Variants in DNAJC1 observed in about 807,000 individuals in gnomAD.
DNAJC1 encodes dnaJ homolog subfamily C member 1.
A neutral mutation model predicts 76.6 loss-of-function variants in DNAJC1; 58 were observed. The ratio of observed to expected loss-of-function variants is 0.76; its 90% CI spans 0.61 to 0.94. DNAJC1 has a LOEUF of 0.94. Ranked by LOEUF, DNAJC1 falls within the 40% of genes least tolerant of loss-of-function variation. The probability of loss-of-function intolerance (pLI) is 0.00; values close to 1 mark genes in which losing one functional copy is unlikely to be tolerated. For synonymous variants in DNAJC1, 258 were observed against 267.9 expected, an observed-to-expected ratio of 0.96 and a Z score of 0.36; for missense variants, 689 against 677.3, an observed-to-expected ratio of 1.02 and a Z score of -0.19.
At chr10:21,937,680 A>G (rs1837331705) in intron 1 of DNAJC1, among the ~76,000 whole-genome samples, 3 of 152,268 alleles carry the variant, frequency 2.0e-5, no homozygotes, top group South Asian at 4.1e-4. Flanking sequence ...TGAAGTGCAT[A>G]AGGAATATTA....
intron 1 of DNAJC1, among the ~76,000 whole-genome samples, chr10:21,982,328 A>G (rs1044010454): frequency 2.6e-5 from 4 of 152,208 alleles, no homozygotes; most frequent in African/African-American, 9.6e-5. Context: ...AAAAAACTTC[A>G]TGATATTAGA....
At chr10:21,771,370 G>A (rs1187166230) in intron 9 of DNAJC1, among the ~76,000 whole-genome samples, 1 of 152,204 alleles carries the variant, frequency 6.6e-6, no homozygotes, top group Non-Finnish European at 1.5e-5. Context: ...ATCTTAGCAG[G>A]AAAGCATTCT....
intron 3 of DNAJC1, among the ~76,000 whole-genome samples, chr10:21,921,280 T>C (rs1213041609): frequency 3.3e-5 from 5 of 151,876 alleles, no homozygotes; most frequent in Admixed American, 2.0e-4. Context: ...TACTAGTCTA[T>C]AGTAAAGACT....
chr10:21,972,829 C>T (rs1349080951), intron 1 of DNAJC1, among the ~76,000 whole-genome samples: 2 of 152,020 alleles, frequency 1.3e-5, no homozygotes, highest in South Asian at 2.1e-4. Context: ...CACCAAGAAA[C>T]TGAAAATAGG....
chr10:21,792,645 G>A (rs1834703926), intron 9 of DNAJC1, among the ~76,000 whole-genome samples: 1 of 151,842 alleles, frequency 6.6e-6, no homozygotes, highest in African/African-American at 2.4e-5. Flanking sequence ...TGGAATCCCT[G>A]CTGCTCTGGA....
intron 8 of DNAJC1, among the ~76,000 whole-genome samples, chr10:21,836,731 A>G (rs1048124437): frequency 2.0e-5 from 3 of 152,222 alleles, no homozygotes; most frequent in Non-Finnish European, 4.4e-5. Context: ...GAGACAAAGA[A>G]GGCCATTACA....
At chr10:21,846,663 G>A (rs781561334) in intron 8 of DNAJC1, among the ~76,000 whole-genome samples, 1 of 152,050 alleles carries the variant, frequency 6.6e-6, no homozygotes, top group Non-Finnish European at 1.5e-5. Flanking sequence ...GTATTAGCGA[G>A]ATGGAAGACA....
At chr10:21,943,604 G>A (rs746589245) in intron 1 of DNAJC1, among the ~76,000 whole-genome samples, 5 of 152,150 alleles carry the variant, frequency 3.3e-5, no homozygotes, top group Non-Finnish European at 7.3e-5. Context: ...TTCAGACACA[G>A]ACTGATCCCT....
rs575898332 is a variant in DNAJC1, at chr10:21,842,005, C to A, written c.979-35906G>T. Among the ~76,000 whole-genome samples the A allele has an allele frequency of 3.9e-3, 587 of 148,878 alleles. 5 individuals carry two copies. Among genetic ancestry groups the A allele is most frequent in the African/African-American group, 0.014 (554 of 40,290 alleles). On this transcript the variant is annotated intron_variant, in intron 8 of 11. Coordinates refer to ENST00000376980, the MANE Select transcript of DNAJC1 (RefSeq NM_022365.4). ...AGCAAAGTATTGCAAGGACAAAAAA[C>A]CAAACAACGCATGTTCTCACTCATA...
intron 8 of DNAJC1, among the ~76,000 whole-genome samples, chr10:21,844,126 G>A (rs1340710815): frequency 6.6e-6 from 1 of 152,136 alleles, no homozygotes; most frequent in Admixed American, 6.5e-5. Context: ...CCAGCCAAGT[G>A]GAACTGTAAG....
chr10:21,790,026 A>AG (rs1834662637), intron 9 of DNAJC1, among the ~76,000 whole-genome samples: 1 of 149,422 alleles, frequency 6.7e-6, no homozygotes, highest in African/African-American at 2.5e-5. Context: ...AAAAAAAAAA[A>AG]AAAAAAAAAA....
intron 3 of DNAJC1, 113 bp downstream of exon 3, chr10:21,928,393 G>A: frequency 3.1e-6 from 3 of 952,600 alleles, no homozygotes; most frequent in Middle Eastern, 2.7e-4. Flanking sequence ...TTCTCGGAAG[G>A]AACAAAAATA....
chr10:21,977,339 A>G (rs1177946744), intron 1 of DNAJC1, among the ~76,000 whole-genome samples: 12 of 152,240 alleles, frequency 7.9e-5, no homozygotes, highest in South Asian at 4.1e-4. Flanking sequence ...TAGTCTAATT[A>G]ATCTACAAAG....
intron 9 of DNAJC1, among the ~76,000 whole-genome samples, chr10:21,787,500 T>G (rs1486207065): frequency 6.6e-6 from 1 of 152,136 alleles, no homozygotes; most frequent in African/African-American, 2.4e-5. Context: ...TGCTCATCCC[T>G]TCCACAAAGA....
At chr10:21,787,037 C>G (rs971432675) in intron 9 of DNAJC1, among the ~76,000 whole-genome samples, 2 of 152,048 alleles carry the variant, frequency 1.3e-5, no homozygotes, top group African/African-American at 4.8e-5. Flanking sequence ...CAGAGAGAAA[C>G]AGAGTCTTGG....
Position 21,983,757 on chromosome 10 carries a change from T to G in DNAJC1, c.222+19456A>C, listed in dbSNP as rs187895636. On this transcript the variant is annotated intron_variant, in intron 1 of 11. Coordinates refer to ENST00000376980, the MANE Select transcript of DNAJC1 (RefSeq NM_022365.4). ...AAAAAAAGGAAAGTAGATGAGAGGT[T>G]ACCAGGAGCTGGTGGGGAGGAAAGA... Among the ~76,000 whole-genome samples the G allele has an allele frequency of 3.3e-5, 5 of 150,532 alleles. No homozygotes were observed. In the South Asian group the frequency reaches 1.1e-3, roughly 32 times the overall value.
In DNAJC1 at chr10:21,959,425, G is replaced by A. The variant is rs546338396; in HGVS notation, c.223-30284C>T. On this transcript the variant is annotated intron_variant, in intron 1 of 11. Transcript: ENST00000376980. ...GTACAGGTATGAGCTACTGCGCCCAGCCACACTGAACATATTATATCCTCG... is the reference window on the plus strand; with the variant it reads ...GTACAGGTATGAGCTACTGCGCCCAACCACACTGAACATATTATATCCTCG... Among the ~76,000 whole-genome samples, 6 of 152,134 alleles carry A rather than the reference G, an allele frequency of 3.9e-5. 1 individual carries two copies. Among genetic ancestry groups the A allele is most frequent in the African/African-American group, 1.4e-4 (6 of 41,508 alleles).
chr10:21,836,424 G>T (rs917972220), intron 8 of DNAJC1, among the ~76,000 whole-genome samples: 1 of 152,186 alleles, frequency 6.6e-6, no homozygotes, highest in East Asian at 1.9e-4. Context: ...ATCAACTAAC[G>T]AGCAACATAA....
chr10:21,995,395 A>G (rs889470315), intron 1 of DNAJC1, among the ~76,000 whole-genome samples: 2 of 152,160 alleles, frequency 1.3e-5, no homozygotes, highest in Non-Finnish European at 2.9e-5. Context: ...TTAAAATTCT[A>G]TTTCCTTCTA....
Sources: allele counts gnomAD v4.1 joint callset (sites outside exome capture counted in the v4.1 genomes callset), GRCh38; gene constraint gnomAD v4.1.1; transcripts MANE v1.5; gene names NCBI Gene and HGNC (gene_info 2026-07-23, HGNC 2026-07-21).